Variants in OTUD7A observed in about 807,000 individuals in gnomAD.
OTUD7A encodes the protein OTU domain-containing protein 7A.
A neutral mutation model predicts 65.7 loss-of-function variants in OTUD7A; 12 were observed. The ratio of observed to expected loss-of-function variants is 0.18; its 90% CI spans 0.12 to 0.30. The LOEUF (loss-of-function observed/expected upper bound fraction) is 0.30. Among genes scored for constraint, OTUD7A ranks in the 10% least tolerant of loss-of-function variants. The pLI is 1.00. For synonymous variants in OTUD7A, 641 were observed against 586.3 expected, an observed-to-expected ratio of 1.09 and a Z score of -1.35; for missense variants, 1,148 against 1,304.8, an observed-to-expected ratio of 0.88 and a Z score of 1.85.
chr15:31,606,115 C>T (rs563608308), intron 3 of OTUD7A, among the ~76,000 whole-genome samples: 1 of 152,372 alleles, frequency 6.6e-6, no homozygotes, highest in South Asian at 2.1e-4. Context: ...TGTGGCCTCA[C>T]ATCCCCATCA....
At chr15:31,639,392 C>T (rs34268633) in intron 3 of OTUD7A, among the ~76,000 whole-genome samples, 37,744 of 143,466 alleles carry the variant, frequency 0.26, 6,002 homozygotes, top group African/African-American at 0.44. Flanking sequence ...ATGTATCTAC[C>T]ACCATTTGTT....
At chr15:31,502,461 C>T (rs1020762227) in intron 9 of OTUD7A, among the ~76,000 whole-genome samples, 13 of 152,188 alleles carry the variant, frequency 8.5e-5, no homozygotes, top group African/African-American at 2.7e-4. Context: ...GGTCATGAAA[C>T]GTCTTTACTT....
intron 8 of OTUD7A, among the ~76,000 whole-genome samples, chr15:31,504,584 G>A (rs1358618419): frequency 6.6e-6 from 1 of 152,220 alleles, no homozygotes; most frequent in African/African-American, 2.4e-5. Flanking sequence ...ATGGAGCCTC[G>A]GCTGCACCTG....
intron 1 of OTUD7A, among the ~76,000 whole-genome samples, chr15:31,847,233 A>C (rs1897313259): frequency 6.6e-6 from 1 of 152,210 alleles, no homozygotes; most frequent in South Asian, 2.1e-4. Context: ...CATGCTTCTG[A>C]AACAATTCCA....
At chr15:31,504,099 C>T (rs1015095014) in intron 8 of OTUD7A, among the ~76,000 whole-genome samples, 31 of 152,334 alleles carry the variant, frequency 2.0e-4, no homozygotes, top group African/African-American at 6.7e-4. Context: ...AGTCTCTCTG[C>T]AGGCGGAGGC....
chr15:31,588,996 G>T (rs1889633669), intron 3 of OTUD7A, among the ~76,000 whole-genome samples: 1 of 152,204 alleles, frequency 6.6e-6, no homozygotes, highest in African/African-American at 2.4e-5. Flanking sequence ...TCCACTGTGG[G>T]GTGGGTGACA....
At chr15:31,674,829 C>G (rs551497579) in intron 1 of OTUD7A, among the ~76,000 whole-genome samples, 39 of 152,134 alleles carry the variant, frequency 2.6e-4, no homozygotes, top group Admixed American at 6.5e-4. Flanking sequence ...ATCTGCAAGT[C>G]CACCCACCAT....
intron 1 of OTUD7A, chr15:31,766,930 G>T: frequency 6.2e-7 from 1 of 1,610,476 alleles, no homozygotes; most frequent in Non-Finnish European, 8.5e-7. Flanking sequence ...ATAGCACCTT[G>T]GTTTGCTGTT....
At chr15:31,553,886 A>C (rs1193493367) in intron 5 of OTUD7A, among the ~76,000 whole-genome samples, 1 of 151,878 alleles carries the variant, frequency 6.6e-6, no homozygotes, top group African/African-American at 2.4e-5. Flanking sequence ...AGCAGCCAGA[A>C]TCTGTCAGAT....
intron 1 of OTUD7A, among the ~76,000 whole-genome samples, chr15:31,788,140 T>G (rs1195066008): frequency 6.6e-6 from 1 of 152,334 alleles, no homozygotes; most frequent in Non-Finnish European, 1.5e-5. Flanking sequence ...AGGAATAAGT[T>G]TTGTTTTTGT....
intron 5 of OTUD7A, among the ~76,000 whole-genome samples, chr15:31,552,383 T>C (rs1202292255): frequency 6.6e-6 from 1 of 152,264 alleles, no homozygotes; most frequent in Non-Finnish European, 1.5e-5. Context: ...ATAATTGTAA[T>C]GCTGGAGAAG....
intron 3 of OTUD7A, among the ~76,000 whole-genome samples, chr15:31,641,997 T>G (rs1296874483): frequency 6.6e-6 from 1 of 152,200 alleles, no homozygotes; most frequent in Admixed American, 6.5e-5. Flanking sequence ...CTCTTGATCT[T>G]TGGGGAAAAG....
intron 1 of OTUD7A, among the ~76,000 whole-genome samples, chr15:31,676,954 T>TA (rs1892607726): frequency 6.6e-6 from 1 of 152,214 alleles, no homozygotes; most frequent in Non-Finnish European, 1.5e-5. Context: ...CTTGCGGTAA[T>TA]AAAGTGTGCT....
intron 12 of OTUD7A, among the ~76,000 whole-genome samples, chr15:31,486,287 G>A (rs909632228): frequency 2.0e-5 from 3 of 152,146 alleles, no homozygotes; most frequent in Non-Finnish European, 4.4e-5. Context: ...AACTGCCACC[G>A]ACTGGCTGTC....
intron 1 of OTUD7A, among the ~76,000 whole-genome samples, chr15:31,688,937 T>C (rs1460054485): frequency 7.2e-5 from 11 of 152,336 alleles, no homozygotes; most frequent in East Asian, 1.9e-4. Flanking sequence ...AAAAGAATGG[T>C]TATGCTCTCA....
intron 1 of OTUD7A, among the ~76,000 whole-genome samples, chr15:31,748,104 G>T (rs1197249603): frequency 6.6e-6 from 1 of 152,024 alleles, no homozygotes; most frequent in Non-Finnish European, 1.5e-5. Flanking sequence ...GAAAATAATG[G>T]CTATAAAAGA....
At chr15:31,621,924 A>T (rs1015029502) in intron 3 of OTUD7A, among the ~76,000 whole-genome samples, 5 of 152,044 alleles carry the variant, frequency 3.3e-5, no homozygotes, top group African/African-American at 9.7e-5. Context: ...TTCCACATTT[A>T]GTGCTTCCTT....
chr15:31,512,533 A>G (rs1211023191), intron 8 of OTUD7A, among the ~76,000 whole-genome samples: 1 of 152,240 alleles, frequency 6.6e-6, no homozygotes, highest in Non-Finnish European at 1.5e-5. Context: ...TGAATAAAGG[A>G]GACAGGGTCA....
intron 5 of OTUD7A, among the ~76,000 whole-genome samples, chr15:31,553,632 A>G (rs1182637237): frequency 1.3e-5 from 2 of 151,290 alleles, no homozygotes; most frequent in Non-Finnish European, 2.9e-5. Context: ...CTACCCCCAT[A>G]TTCAGGGTAA....
Sources: gnomAD v4.1 joint callset for allele counts (sites outside exome capture counted in the v4.1 genomes callset) on GRCh38, gnomAD v4.1.1 for gene constraint, MANE v1.5 for transcripts, NCBI Gene and HGNC (gene_info 2026-07-23, HGNC 2026-07-21) for gene names.